The following SLC24A3 variants were observed in gnomAD, a reference collection of about 807,000 sequenced individuals.
SLC24A3 encodes sodium/potassium/calcium exchanger 3.
A neutral mutation model predicts 75.8 loss-of-function variants in SLC24A3; 28 were observed. The observed-to-expected ratio is 0.37, with a 90% CI of 0.27 to 0.51. SLC24A3 has a LOEUF of 0.51. Among genes scored for constraint, SLC24A3 ranks in the 20% least tolerant of loss-of-function variants. The probability of loss-of-function intolerance (pLI) is 0.94; values close to 1 mark genes in which losing one functional copy is unlikely to be tolerated. For synonymous variants in SLC24A3, 372 were observed against 334.1 expected, an observed-to-expected ratio of 1.11 and a Z score of -1.24; for missense variants, 663 against 847.8, an observed-to-expected ratio of 0.78 and a Z score of 2.71.
chr20:19,230,458 A>C (rs1428327686), intron 1 of SLC24A3, among the ~76,000 whole-genome samples: 1 of 152,068 alleles, frequency 6.6e-6, no homozygotes, highest in African/African-American at 2.4e-5. Flanking sequence ...CAGTGTGTGA[A>C]AATCTGCCAC....
At chr20:19,216,294 AT>A (rs11476306) in intron 1 of SLC24A3, among the ~76,000 whole-genome samples, 61,669 of 151,948 alleles carry the variant, frequency 0.41, 14,147 homozygotes, top group East Asian at 0.76. Flanking sequence ...CTACCCAGCC[AT>A]TTTTTTTCCA....
chr20:19,246,230 T>A (rs1451527611), intron 1 of SLC24A3, among the ~76,000 whole-genome samples: 1 of 151,886 alleles, frequency 6.6e-6, no homozygotes, highest in Non-Finnish European at 1.5e-5. Flanking sequence ...AAGACTAAAA[T>A]TAAATATGCT....
chr20:19,567,522 G>A (rs887290950), intron 3 of SLC24A3, among the ~76,000 whole-genome samples: 2 of 152,186 alleles, frequency 1.3e-5, no homozygotes, highest in Non-Finnish European at 2.9e-5. Context: ...GGGGTGGGAG[G>A]AAGGTGAGGA....
chr20:19,300,428 C>T (rs1984167481), intron 2 of SLC24A3, among the ~76,000 whole-genome samples: 1 of 152,198 alleles, frequency 6.6e-6, no homozygotes, highest in South Asian at 2.1e-4. Flanking sequence ...TGACCCCATC[C>T]TCAGTCACCA....
At chr20:19,655,871 T>A (rs946270388) in intron 7 of SLC24A3, among the ~76,000 whole-genome samples, 12 of 152,162 alleles carry the variant, frequency 7.9e-5, no homozygotes, top group African/African-American at 2.9e-4. Flanking sequence ...GCCTCCATTG[T>A]ACTGTGAGCC....
chr20:19,304,378 G>A (rs1424513927), intron 2 of SLC24A3, among the ~76,000 whole-genome samples: 1 of 151,764 alleles, frequency 6.6e-6, no homozygotes, highest in Non-Finnish European at 1.5e-5. Context: ...AGATGTTGTT[G>A]ATACCTGCCT....
chr20:19,277,189 T>C (rs945240019), intron 1 of SLC24A3, among the ~76,000 whole-genome samples: 2 of 152,248 alleles, frequency 1.3e-5, no homozygotes, highest in Admixed American at 6.5e-5. Context: ...TTCTGCTACT[T>C]GCTCACTGTG....
chr20:19,447,131 CA>C (rs1987400505), intron 2 of SLC24A3, among the ~76,000 whole-genome samples: 2 of 152,288 alleles, frequency 1.3e-5, no homozygotes, highest in Admixed American at 1.3e-4. Context: ...TGACCTTGAC[CA>C]AATTCATTTG....
At chr20:19,513,953 G>T (rs1262830169) in intron 2 of SLC24A3, among the ~76,000 whole-genome samples, 1 of 152,156 alleles carries the variant, frequency 6.6e-6, no homozygotes, top group Non-Finnish European at 1.5e-5. Flanking sequence ...CTCTTCGCAA[G>T]TTTCAAGTAT....
chr20:19,458,973 T>C (rs1301797733), intron 2 of SLC24A3, among the ~76,000 whole-genome samples: 1 of 152,180 alleles, frequency 6.6e-6, no homozygotes, highest in Non-Finnish European at 1.5e-5. Context: ...TTTTAGCCCA[T>C]TGGAGTGGTT....
chr20:19,385,120 A>G (rs975420096), intron 2 of SLC24A3, among the ~76,000 whole-genome samples: 3 of 152,002 alleles, frequency 2.0e-5, no homozygotes, highest in African/African-American at 7.2e-5. Context: ...TGTTTCCTTT[A>G]CTGGGCAGAA....
chr20:19,450,753 C>T (rs1210482773), intron 2 of SLC24A3, among the ~76,000 whole-genome samples: 1 of 152,102 alleles, frequency 6.6e-6, no homozygotes, highest in Non-Finnish European at 1.5e-5. Context: ...AATCCCAGCA[C>T]TTTGGGAGGT....
chr20:19,550,039 G>GTTGT (rs574629418), intron 3 of SLC24A3, among the ~76,000 whole-genome samples: 32 of 152,290 alleles, frequency 2.1e-4, no homozygotes, highest in South Asian at 1.0e-3. Context: ...AGGATCTTAT[G>GTTGT]TTGTTTGAGT....
At chr20:19,606,354 T>C (rs2031597569) in intron 6 of SLC24A3, among the ~76,000 whole-genome samples, 1 of 152,236 alleles carries the variant, frequency 6.6e-6, no homozygotes, top group South Asian at 2.1e-4. Context: ...TGGTTGACAT[T>C]GGCTCAGGCA....
intron 3 of SLC24A3, among the ~76,000 whole-genome samples, chr20:19,548,939 C>T (rs1347997533): frequency 1.3e-5 from 2 of 152,224 alleles, no homozygotes; most frequent in Non-Finnish European, 2.9e-5. Flanking sequence ...AAGGTAGTTG[C>T]AGGTCAGGGC....
rs950430901 is a variant in SLC24A3 at position 19,619,850 on chromosome 20, G to A, written c.613-34212G>A. On this transcript the variant is annotated intron_variant, in intron 6 of 16. Transcript: ENST00000328041. ...CCAAGTCTGATTATGAGATGGCCGT[G>A]CGGGTAAAAAGTGATGTGTACAGAT... Among the ~76,000 whole-genome samples, 7 of 152,306 alleles carry A rather than the reference G, an allele frequency of 4.6e-5. No individual in the cohort carries two copies. The South Asian group carries it at 1.0e-3, about 23-fold the overall frequency.
chr20:19,609,010 A>G (rs992473131), intron 6 of SLC24A3, among the ~76,000 whole-genome samples: 3 of 152,210 alleles, frequency 2.0e-5, no homozygotes, highest in Non-Finnish European at 4.4e-5. Flanking sequence ...TCTCCATCCC[A>G]CGTACAAAGG....
intron 6 of SLC24A3, among the ~76,000 whole-genome samples, chr20:19,591,085 T>TC (rs1233846801): frequency 1.3e-5 from 2 of 151,840 alleles, no homozygotes; most frequent in African/African-American, 4.8e-5. Flanking sequence ...ACACCTGATC[T>TC]CCCCCTGACA....
intron 6 of SLC24A3, among the ~76,000 whole-genome samples, chr20:19,594,716 A>G (rs1160833255): frequency 6.6e-6 from 1 of 152,150 alleles, no homozygotes; most frequent in African/African-American, 2.4e-5. Context: ...GGATGGATGG[A>G]TAGATGGAGA....
Sources: gnomAD v4.1 joint callset for allele counts (sites outside exome capture counted in the v4.1 genomes callset) on GRCh38, gnomAD v4.1.1 for gene constraint, MANE v1.5 for transcripts, NCBI Gene and HGNC (gene_info 2026-07-23, HGNC 2026-07-21) for gene names.